The following PRSS54 variants were observed in gnomAD, a reference collection of about 807,000 sequenced individuals.
PRSS54 encodes the protein inactive serine protease 54.
In PRSS54, 16 loss-of-function variants were observed where a neutral mutation model predicts 19.9. The ratio of observed to expected loss-of-function variants is 0.80; its 90% CI spans 0.54 to 1.22. PRSS54 has a LOEUF of 1.22. PRSS54 is among the 50% of genes most tolerant of loss of function. The pLI is 0.00. For missense variants in PRSS54, 444 were observed against 494.8 expected, an observed-to-expected ratio of 0.90 and a Z score of 0.97; for synonymous variants, 177 against 195.8, an observed-to-expected ratio of 0.90 and a Z score of 0.80.
intron 4 of PRSS54, among the ~76,000 whole-genome samples, chr16:58,290,055 T>C (rs1352904119): frequency 6.9e-6 from 1 of 145,870 alleles, no homozygotes; most frequent in Non-Finnish European, 1.5e-5. Flanking sequence ...ATGTTACATA[T>C]GATATTGTAT....
At chr16:58,286,340 C>T in intron 4 of PRSS54, 145 bp from the exon 5 acceptor site, 1 of 825,142 alleles carries the variant, frequency 1.2e-6, no homozygotes, top group Non-Finnish European at 1.9e-6. Context: ...CCTTTGGACT[C>T]AAGTTTCTAG....
chr16:58,293,939 TC>T, intron 2 of PRSS54, 45 bp downstream of exon 2: 5 of 829,864 alleles, frequency 6.0e-6, no homozygotes, highest in Non-Finnish European at 7.8e-6. Context: ...CATCAGAGGC[TC>T]CCCCTCTTTC....
At position 58,280,931 on chromosome 16, in the gene PRSS54, C is replaced by A. The variant is rs1005256556; in HGVS notation, c.655-174G>T. The A allele has an allele frequency of 1.7e-5, 10 of 601,052 alleles. No homozygotes were observed. The African/African-American group carries it at 1.8e-4, about 11-fold the overall frequency. The allele number at this position is 601,052 out of a possible 1,614,324, so 37.2% of individuals were successfully genotyped here. A position where few individuals can be genotyped will look rare whatever the true frequency, so the allele number is the denominator to read the frequency against. On this transcript the variant is annotated intron_variant, in intron 6 of 6. Transcript: ENST00000567164. The stretch of plus-strand genomic sequence containing the variant: ...AGGCAGCCACCACCACAAATTCCAA[C>A]AAGATGACTTTTCCTTTTATTATGC...
intron 4 of PRSS54, among the ~76,000 whole-genome samples, chr16:58,287,425 T>C (rs1395737834): frequency 6.6e-6 from 1 of 152,212 alleles, no homozygotes; most frequent in Non-Finnish European, 1.5e-5. Context: ...AACAACGCTG[T>C]GCTGACACCA....
At chr16:58,293,591 C>CA (rs1015357943) in intron 3 of PRSS54, 141 bp downstream of exon 3, 1 of 1,482,668 alleles carries the variant, frequency 6.7e-7, no homozygotes, top group African/African-American at 1.4e-5. Flanking sequence ...GCCACCAATG[C>CA]AGGCCGCCCG....
In PRSS54 at chr16:58,285,929, G is replaced by GCCTTAACT; in HGVS notation, c.522_522+7dup. The GCCTTAACT allele has an allele frequency of 5.6e-6, 9 of 1,613,792 alleles. No individual in the cohort carries two copies. The highest frequency in any genetic ancestry group is 7.6e-6 in the Non-Finnish European group (9 of 1,179,838). ...CGCAGCCTTCTCTGGGAGGAGGAAT[G>GCCTTAACT]CCTTAACTGCAGATGTGGGATTCCA... On this transcript the variant is annotated splice_region_variant and intron_variant, in intron 5 of 6. Coordinates refer to ENST00000567164, the MANE Select transcript of PRSS54 (RefSeq NM_001305173.2).
Position 58,290,997 on chromosome 16 carries a change from C to G in PRSS54, c.225G>C (p.Glu75Asp). 1 of 1,614,240 alleles carries G rather than the reference C, an allele frequency of 6.2e-7. No individual in the cohort carries two copies. Among genetic ancestry groups the G allele is most frequent in the South Asian group, 1.1e-5 (1 of 91,090 alleles). ...CGGATGCGATGCTGAGGACCCAGAA[C>G]TCGCTCAGGATGCAGCCGAAAGCCA... The part of the protein sequence containing the change: ...THLAFGCILS[E>D]FWVLSIASAI... The change falls in exon 4 of 7, where the codon GAG becomes GAC. Residue 75 changes from glutamate to aspartate, a missense_variant. Transcript: ENST00000567164.
At chr16:58,288,515 G>A (rs1233970134) in intron 4 of PRSS54, among the ~76,000 whole-genome samples, 1 of 151,986 alleles carries the variant, frequency 6.6e-6, no homozygotes, top group East Asian at 1.9e-4. Context: ...CAAAAGAATA[G>A]GCCAGATAGA....
At chr16:58,291,742 C>T (rs1384763946) in intron 3 of PRSS54, among the ~76,000 whole-genome samples, 1 of 152,046 alleles carries the variant, frequency 6.6e-6, no homozygotes, top group African/African-American at 2.4e-5. Flanking sequence ...CTCAGCCTCC[C>T]AAAGTGTTGG....
chr16:58,289,593 A>C (rs1964993159), intron 4 of PRSS54, among the ~76,000 whole-genome samples: 1 of 147,266 alleles, frequency 6.8e-6, no homozygotes, highest in Admixed American at 6.8e-5. Flanking sequence ...TTTTTTGGAC[A>C]TGGAATCTCG....
rs571314356 is a variant in PRSS54, at chr16:58,280,253, C to T, written c.1159G>A (p.Val387Met). Residue 387 changes from valine to methionine, a missense_variant, in exon 7 of 7, where the codon GTG (valine) becomes ATG (methionine). Transcript: ENST00000567164. ...ATACTGCTGCAAAAGAAAACAAGCA[C>T]GAAGGAAACCAAGATGATTTCTTCG... ...QPEEIILVSF[V>M]LVFFCSSI 1.2e-6 allele frequency: 2 copies of T among 1,612,904 alleles called. No individual in the cohort carries two copies. Among genetic ancestry groups the T allele is most frequent in the East Asian group, 2.2e-5 (1 of 44,864 alleles).
At chr16:58,290,126 A>G (rs998291455) in intron 4 of PRSS54, among the ~76,000 whole-genome samples, 1 of 144,060 alleles carries the variant, frequency 6.9e-6, no homozygotes, top group Non-Finnish European at 1.5e-5. Flanking sequence ...TACATATAAT[A>G]AAGTATATAA....
intron 5 of PRSS54, among the ~76,000 whole-genome samples, chr16:58,284,998 A>G (rs919784639): frequency 6.6e-6 from 1 of 152,122 alleles, no homozygotes; most frequent in South Asian, 2.1e-4. Flanking sequence ...TATTTTTAAT[A>G]GAGATGGAGT....
At chr16:58,284,283 C>T (rs1401203170) in intron 6 of PRSS54, 1 of 305,414 alleles carries the variant, frequency 3.3e-6, no homozygotes, top group African/African-American at 2.1e-5. Flanking sequence ...ACACTGTAGA[C>T]CTGCTCAAAG....
intron 4 of PRSS54, 37 bp from the exon 5 acceptor site, chr16:58,286,232 C>G: frequency 1.2e-6 from 2 of 1,608,458 alleles, no homozygotes; most frequent in Middle Eastern, 1.7e-4. Flanking sequence ...GAAGCCAAGA[C>G]AGCAAGGAAG....
chr16:58,284,478 C>T (rs1288492401), intron 6 of PRSS54, 112 bp downstream of exon 6: 2 of 1,279,744 alleles, frequency 1.6e-6, no homozygotes, highest in Non-Finnish European at 2.2e-6. Context: ...CCACTCATCC[C>T]AAGCCCTGCC....
Position 58,280,236 on chromosome 16 carries a change from G to A in PRSS54, c.1176C>T (p.Cys392=). The change falls in exon 7 of 7, where the codon TGC becomes TGT. Residue 392 remains cysteine (C), a synonymous_variant. Transcript: ENST00000567164. ...ILVSFVLVFF[C]SSI Reference sequence around the variant, plus strand: ...GGTAGCTCCTGGACTAGATACTGCTGCAAAAGAAAACAAGCACGAAGGAAA... The same window carrying A: ...GGTAGCTCCTGGACTAGATACTGCTACAAAAGAAAACAAGCACGAAGGAAA... 6.2e-7 allele frequency: 1 copy of A among 1,611,190 alleles called. No individual in the cohort carries two copies. Among genetic ancestry groups the A allele is most frequent in the Non-Finnish European group, 8.5e-7 (1 of 1,178,600 alleles).
intron 6 of PRSS54, chr16:58,282,049 C>G (rs1320162622): frequency 1.3e-5 from 2 of 151,618 alleles, no homozygotes; most frequent in Non-Finnish European, 1.5e-5. Context: ...TGCTCTGTCC[C>G]CCATGCTGGA....
chr16:58,284,817 A>ATTTTTT, intron 5 of PRSS54, 96 bp from the exon 6 acceptor site: 10 of 1,103,228 alleles, frequency 9.1e-6, no homozygotes, highest in South Asian at 1.6e-5. Flanking sequence ...GAGAGTGAGA[A>ATTTTTT]TTTTTTTTTT....
Sources: gnomAD v4.1 joint callset for allele counts (sites outside exome capture counted in the v4.1 genomes callset) on GRCh38, gnomAD v4.1.1 for gene constraint, MANE v1.5 for transcripts, NCBI Gene and HGNC (gene_info 2026-07-23, HGNC 2026-07-21) for gene names.